Variants in OVCH1 observed in about 807,000 individuals in gnomAD.
The protein encoded by OVCH1 is ovochymase 1.
Under a neutral mutation model 138.4 loss-of-function variants are expected in OVCH1, and 139 were observed. That is an observed-to-expected ratio of 1.00 (90% confidence interval 0.87 to 1.16). OVCH1 has a LOEUF of 1.16. Among genes scored for constraint, OVCH1 ranks in the 50% most tolerant of loss-of-function variants. OVCH1 has a pLI of 0.00. For missense variants in OVCH1, 1,367 were observed against 1,357.9 expected (o/e 1.01, Z -0.11); for synonymous variants, 453 against 467.8 (o/e 0.97, Z 0.41).
downstream of OVCH1, chr12:29,426,190 A>G (rs533708356): frequency 9.2e-5 from 14 of 152,270 alleles, 1 homozygote; most frequent in South Asian, 2.9e-3. Flanking sequence ...GTATATTAAT[A>G]TTTCTTTGCT....
At chr12:29,428,790 G>T (rs1300709365) in intron 27 of OVCH1, among the ~76,000 whole-genome samples, 2 of 152,148 alleles carry the variant, frequency 1.3e-5, no homozygotes, top group Admixed American at 6.6e-5. Context: ...GGATTTTAAT[G>T]GTGTCCTAAG....
rs781369504 is a variant in OVCH1, at chr12:29,487,681, G to A, written c.892+12C>T. On this transcript the variant is annotated intron_variant, in intron 7 of 27. Coordinates refer to ENST00000318184, the Ensembl canonical transcript of OVCH1. ...GAGTTAGGATGAGATGAGGAAGAAA[G>A]AATTCACCTACCTGTGAACAGGTTT... 6.3e-7 allele frequency: 1 copy of A among 1,576,598 alleles called. No individual in the cohort carries two copies. Among genetic ancestry groups the A allele is most frequent in the Non-Finnish European group, 8.6e-7 (1 of 1,158,134 alleles).
chr12:29,491,934 G>T lies in OVCH1; in HGVS notation c.455-742C>A, dbSNP rs536519599. On this transcript the variant is annotated intron_variant, in intron 4 of 27. Coordinates refer to ENST00000318184, the Ensembl canonical transcript of OVCH1. ...GGCAAGCACTCTTTTAGATCTCAAC[G>T]AATGAACAGAAAGAAAAATATCTCT... Among the ~76,000 whole-genome samples the T allele has an allele frequency of 2.6e-5, 4 of 152,216 alleles. No individual in the cohort carries two copies. The East Asian group carries it at 7.7e-4, about 29-fold the overall frequency.
intron 19 of OVCH1, among the ~76,000 whole-genome samples, chr12:29,455,762 A>T (rs1221751432): frequency 6.6e-6 from 1 of 152,230 alleles, no homozygotes; most frequent in Non-Finnish European, 1.5e-5. Context: ...TTAAAACAAA[A>T]ATTTAATCAG....
intron 25 of OVCH1, 56 bp from the exon 26 acceptor site, chr12:29,440,800 T>A (rs1941464263): frequency 6.6e-6 from 3 of 453,116 alleles, no homozygotes; most frequent in African/African-American, 4.0e-5. Flanking sequence ...GTATTGTAAA[T>A]CTGAAGAATA....
At chr12:29,448,027 C>A (rs764370737) in intron 22 of OVCH1, among the ~76,000 whole-genome samples, 1 of 151,178 alleles carries the variant, frequency 6.6e-6, no homozygotes, top group African/African-American at 2.4e-5. Flanking sequence ...AATCTTTTAA[C>A]CCTGGACTTC....
In OVCH1 at chr12:29,473,121, A is replaced by AC. The variant is rs1555150351; in HGVS notation, c.1601-19_1601-18insG. ...TAAAGACTCTGTAGAAGAAAAAAAA[A>AC]TTAATTGAAAGTAATTAGAGAAGTT... On this transcript the variant is annotated intron_variant, in intron 14 of 27. Transcript: ENST00000318184. 6.5e-7 allele frequency: 1 copy of AC among 1,548,888 alleles called. No homozygotes were observed. Among genetic ancestry groups the AC allele is most frequent in the African/African-American group, 1.4e-5 (1 of 73,084 alleles).
chr12:29,451,516 G>T, exon 22 of OVCH1: 1 of 1,613,048 alleles, frequency 6.2e-7, no homozygotes. Context: ...AGTAGATACC[G>T]TGGTGTGGGA....
intron 19 of OVCH1, among the ~76,000 whole-genome samples, chr12:29,456,997 T>A (rs1006079529): frequency 2.6e-5 from 4 of 152,216 alleles, no homozygotes; most frequent in African/African-American, 4.8e-5. Flanking sequence ...TGTGTACATA[T>A]TTGATAGCAC....
intron 27 of OVCH1, among the ~76,000 whole-genome samples, chr12:29,433,288 GT>G (rs1941302007): frequency 6.6e-6 from 1 of 152,092 alleles, no homozygotes; most frequent in South Asian, 2.1e-4. Context: ...CTTTTCCCAT[GT>G]TGTTCTCGTG....
At chr12:29,433,780 G>T in exon 27 of OVCH1, 1 of 1,419,196 alleles carries the variant, frequency 7.0e-7, no homozygotes. Context: ...AATTTCTTCT[G>T]TTTTCTTTTT....
intron 19 of OVCH1, among the ~76,000 whole-genome samples, chr12:29,457,149 A>G (rs1941975519): frequency 6.6e-6 from 1 of 152,202 alleles, no homozygotes; most frequent in South Asian, 2.1e-4. Context: ...ATTTTTTCAC[A>G]TAACAATTAT....
At chr12:29,496,233 T>G in exon 3 of OVCH1, 1 of 1,609,546 alleles carries the variant, frequency 6.2e-7, no homozygotes, top group Middle Eastern at 1.7e-4. Context: ...TCTTCTTGAA[T>G]CAAGCTTCCT....
At chr12:29,485,783 G>GA (rs200977745) in intron 8 of OVCH1, among the ~76,000 whole-genome samples, 32 of 145,478 alleles carry the variant, frequency 2.2e-4, no homozygotes, top group South Asian at 8.8e-4. Context: ...GTCTCAAAAA[G>GA]AAAAAAAAAA....
At chr12:29,495,298 G>A (rs757937924) in exon 4 of OVCH1, 13 of 1,608,984 alleles carry the variant, frequency 8.1e-6, no homozygotes, top group Middle Eastern at 1.7e-4. Flanking sequence ...ACTTGACTTT[G>A]TGTTTTAGAT....
intron 3 of OVCH1, among the ~76,000 whole-genome samples, chr12:29,419,834 T>C (rs1941079157): frequency 6.6e-6 from 1 of 152,172 alleles, no homozygotes; most frequent in Non-Finnish European, 1.5e-5. Context: ...AAAATTATGA[T>C]TCTAAAATTT....
chr12:29,485,303 C>A (rs114946186), intron 8 of OVCH1, among the ~76,000 whole-genome samples: 972 of 90,314 alleles, frequency 0.011, 13 homozygotes, highest in African/African-American at 0.04. Flanking sequence ...GGGTGGAGAA[C>A]AAGACCCAGT....
Position 29,433,737 on chromosome 12 carries a change from TATG to T in OVCH1, c.3327+11_3327+13del, listed in dbSNP as rs997134984. ...TTTTTTCTATTTTATGTTAGTCCCT[TATG>T]ATATACTTACATAACTTAAATTTGA... On this transcript the variant is annotated intron_variant, in intron 27 of 27. Transcript: ENST00000318184. The T allele has an allele frequency of 2.8e-6, 4 of 1,423,890 alleles. No homozygotes were observed. The African/African-American group carries it at 5.8e-5, about 21-fold the overall frequency. The allele number at this position is 1,423,890 out of a possible 1,614,324, so 88.2% of individuals were successfully genotyped here.
At chr12:29,430,703 G>A in intron 27 of OVCH1, among the ~76,000 whole-genome samples, 1 of 152,186 alleles carries the variant, frequency 6.6e-6, no homozygotes, top group African/African-American at 2.4e-5. Context: ...CAGTGGGTGA[G>A]CAGAGCTGGA....
Sources: gnomAD v4.1 joint callset for allele counts (sites outside exome capture counted in the v4.1 genomes callset) on GRCh38, gnomAD v4.1.1 for gene constraint, MANE v1.5 for transcripts, NCBI Gene and HGNC (gene_info 2026-07-23, HGNC 2026-07-21) for gene names.